Variants in CSNK2A1 observed in about 807,000 individuals in gnomAD.
The protein encoded by CSNK2A1 is casein kinase 2 alpha 1.
Under a neutral mutation model 62.9 loss-of-function variants are expected in CSNK2A1, and 10 were observed. That is an observed-to-expected ratio of 0.16 (90% CI 0.10 to 0.27). CSNK2A1 has a LOEUF of 0.27. Among genes scored for constraint, CSNK2A1 ranks in the 10% least tolerant of loss-of-function variants. The pLI, the probability that CSNK2A1 is intolerant of heterozygous loss-of-function variation, is 1.00. For synonymous variants in CSNK2A1, 124 were observed against 167.8 expected, an observed-to-expected ratio of 0.74 and a Z score of 2.02; for missense variants, 160 against 492.0, an observed-to-expected ratio of 0.33 and a Z score of 6.38.
intron 1 of CSNK2A1, among the ~76,000 whole-genome samples, chr20:533,034 T>C (rs896693863): frequency 7.9e-5 from 12 of 152,220 alleles, no homozygotes; most frequent in African/African-American, 2.7e-4. Flanking sequence ...GTGGTAACCA[T>C]GGCCAACAAC....
chr20:498,140 G>T, intron 6 of CSNK2A1: 1 of 203,946 alleles, frequency 4.9e-6, no homozygotes, highest in Non-Finnish European at 9.9e-6. Context: ...CTCCTTAGTA[G>T]GGAACTAACT....
chr20:486,527 C>G, intron 12 of CSNK2A1, 65 bp from the exon 13 acceptor site: 1 of 1,565,740 alleles, frequency 6.4e-7, no homozygotes, highest in South Asian at 1.1e-5. Flanking sequence ...GGTCTGGAAG[C>G]CTGAAAGCAG....
intron 1 of CSNK2A1, among the ~76,000 whole-genome samples, chr20:532,642 A>G (rs1055783958): frequency 2.0e-5 from 3 of 152,272 alleles, no homozygotes; most frequent in African/African-American, 7.2e-5. Flanking sequence ...TCTGTAACGC[A>G]CCCTAACACA....
chr20:505,085 C>A (rs1023286680), intron 4 of CSNK2A1, 33 bp downstream of exon 4: 5 of 1,548,024 alleles, frequency 3.2e-6, no homozygotes, highest in Non-Finnish European at 3.5e-6. Flanking sequence ...AATCTATATT[C>A]CAAATACCTC....
rs886365795 is a variant in CSNK2A1 at position 497,652 on chromosome 20, A to C, written c.426+69T>G. The C allele has an allele frequency of 8.3e-6, 11 of 1,325,394 alleles. No homozygotes were observed. The African/African-American group carries it at 1.5e-4, about 18-fold the overall frequency. The allele number at this position is 1,325,394 out of a possible 1,614,324, so 82.1% of individuals were successfully genotyped here. A position where few individuals can be genotyped will look rare whatever the true frequency, so the allele number is the denominator to read the frequency against. ...ACAAAGTTAATCTGCTGGCTTTTCT[A>C]CCATCAATTGACTATTTAACAAAAA... is the stretch of plus-strand genomic sequence containing the variant. On this transcript the variant is annotated intron_variant, in intron 7 of 13. Coordinates refer to ENST00000217244, the MANE Select transcript of CSNK2A1 (RefSeq NM_177559.3).
chr20:522,733 G>A (rs896380437), intron 2 of CSNK2A1, among the ~76,000 whole-genome samples: 6 of 152,018 alleles, frequency 3.9e-5, no homozygotes, highest in Non-Finnish European at 7.4e-5. Context: ...GTCTCACTTT[G>A]TCACCCAGGC....
chr20:532,023 G>A (rs1280000541), intron 1 of CSNK2A1, among the ~76,000 whole-genome samples: 1 of 152,146 alleles, frequency 6.6e-6, no homozygotes, highest in African/African-American at 2.4e-5. Context: ...AATTACTTGT[G>A]GGTCAGAGAG....
At position 478,764 on chromosome 20, in the gene CSNK2A1, C is replaced by A. The variant is rs62189977; in HGVS notation, c.*5197G>T. ...GCAACACGGCAAAACTTCATCTCTA[C>A]CAAAAAAAAAAAAAAAAAAATTAGC... On this transcript the variant is annotated 3_prime_UTR_variant, in exon 14 of 14. Coordinates refer to ENST00000217244, the MANE Select transcript of CSNK2A1 (RefSeq NM_177559.3). 2.4e-5 allele frequency: 5 copies of A among 204,650 alleles called. No homozygotes were observed. Among genetic ancestry groups the A allele is most frequent in the Non-Finnish European group, 2.8e-5 (3 of 106,236 alleles). The allele number at this position is 204,650 out of a possible 1,614,324, so 12.7% of individuals were successfully genotyped here. A position where few individuals can be genotyped will look rare whatever the true frequency, so the allele number is the denominator to read the frequency against.
intron 12 of CSNK2A1, chr20:487,166 C>T (rs2018117932): frequency 2.0e-6 from 1 of 507,666 alleles, no homozygotes; most frequent in South Asian, 2.9e-5. Context: ...TCAACCATTC[C>T]AGACTGAGGC....
chr20:485,089 AAAAAAAAAAAAAAAAAAAAAATATATAT>A (rs1568496397), intron 13 of CSNK2A1, among the ~76,000 whole-genome samples: 10 of 36,714 alleles, frequency 2.7e-4, no homozygotes, highest in South Asian at 1.4e-3. Flanking sequence ...AAAAAAAAAA[AAAAAAAAAAAAAAAAAAAAAATATATAT>A]ATATATATAT....
chr20:515,298 C>A (rs2018804225), intron 2 of CSNK2A1, among the ~76,000 whole-genome samples: 1 of 152,094 alleles, frequency 6.6e-6, no homozygotes, highest in Non-Finnish European at 1.5e-5. Context: ...ACTGTTGGTG[C>A]CATTCATGGA....
rs978311502 is a variant in CSNK2A1, at chr20:483,406, C to G, written c.*555G>C. ...CCACTAGGATAACCCCACTGAAGCG[C>G]TTATGGAGTAAAGTGATGTAAGCGA... On this transcript the variant is annotated 3_prime_UTR_variant, in exon 14 of 14. Transcript: ENST00000217244. 3 of 152,378 alleles carry G rather than the reference C, an allele frequency of 2.0e-5. No individual in the cohort carries two copies. Among genetic ancestry groups the G allele is most frequent in the African/African-American group, 4.8e-5 (2 of 41,428 alleles). 9.4% of individuals were successfully genotyped at this position (152,378 alleles called of 1,614,324 possible). A position where few individuals can be genotyped will look rare whatever the true frequency, so the allele number is the denominator to read the frequency against.
chr20:510,173 C>CT (rs1291875716), intron 2 of CSNK2A1: 3,207 of 137,148 alleles, frequency 0.023, 101 homozygotes, highest in African/African-American at 0.069. Context: ...TATACCTATT[C>CT]TTTTTTTTTT....
chr20:542,587 C>A (rs567310813), intron 1 of CSNK2A1, among the ~76,000 whole-genome samples: 3 of 152,102 alleles, frequency 2.0e-5, no homozygotes, highest in Non-Finnish European at 4.4e-5. Context: ...CGCGCGCCAC[C>A]AAGCCCGGCT....
chr20:519,219 T>C (rs2018892633), intron 2 of CSNK2A1, among the ~76,000 whole-genome samples: 1 of 152,220 alleles, frequency 6.6e-6, no homozygotes, highest in South Asian at 2.1e-4. Context: ...ATTATAGGCG[T>C]AAGCCACCGT....
chr20:528,188 A>G (rs2019138276), intron 1 of CSNK2A1, 139 bp from the exon 2 acceptor site: 1 of 152,222 alleles, frequency 6.6e-6, no homozygotes, highest in Non-Finnish European at 1.5e-5. Context: ...CTACCTGATT[A>G]AAGTGAGAAA....
At position 490,937 on chromosome 20, in the gene CSNK2A1, C is replaced by A. The variant is rs2018220467; in HGVS notation, c.622-1056G>T. Reference sequence around the variant, plus strand: ...CCTCCAAATTGTTAGCCCATGGAGACCATCTAATGTGTATCATTAGTATTT... The same window carrying A: ...CCTCCAAATTGTTAGCCCATGGAGAACATCTAATGTGTATCATTAGTATTT... On this transcript the variant is annotated intron_variant, in intron 9 of 13. Coordinates refer to ENST00000217244, the MANE Select transcript of CSNK2A1 (RefSeq NM_177559.3). Among the ~76,000 whole-genome samples, 3 of 149,590 alleles carry A rather than the reference C, an allele frequency of 2.0e-5. No individual in the cohort carries two copies. In the South Asian group the frequency reaches 6.4e-4, roughly 32 times the overall value.
At chr20:487,180 G>A (rs189923306) in intron 12 of CSNK2A1, 2 of 543,436 alleles carry the variant, frequency 3.7e-6, no homozygotes, top group African/African-American at 3.8e-5. Context: ...CTGAGGCACT[G>A]AGAAGTGTCA....
At chr20:486,597 G>A in intron 12 of CSNK2A1, 135 bp from the exon 13 acceptor site, 1 of 839,318 alleles carries the variant, frequency 1.2e-6, no homozygotes, top group Non-Finnish European at 1.7e-6. Flanking sequence ...AACTTAAGGT[G>A]GCAATTGCCT....
Sources: allele counts gnomAD v4.1 joint callset (sites outside exome capture counted in the v4.1 genomes callset), GRCh38; gene constraint gnomAD v4.1.1; transcripts MANE v1.5; gene names NCBI Gene and HGNC (gene_info 2026-07-23, HGNC 2026-07-21).